TAB2: variants seen among roughly 807,000 people sequenced by gnomAD.
TAB2 encodes TGF-beta activated kinase 1 (MAP3K7) binding protein 2, also known as TGF-beta-activated kinase 1 and MAP3K7-binding protein 2.
Under a neutral mutation model 65.0 loss-of-function variants are expected in TAB2, and 3 were observed. The ratio of observed to expected loss-of-function variants is 0.05; its 90% CI spans 0.02 to 0.12. The LOEUF is 0.12. Among genes scored for constraint, TAB2 ranks in the 10% least tolerant of loss-of-function variants. The pLI is 1.00. For missense variants in TAB2, 623 were observed against 840.3 expected, an observed-to-expected ratio of 0.74 and a Z score of 3.20; for synonymous variants, 298 against 285.1, an observed-to-expected ratio of 1.05 and a Z score of -0.46.
At position 149,378,719 on chromosome 6, in the gene TAB2, C is replaced by T. The variant is rs1303355579; in HGVS notation, c.804C>T (p.Thr268=). 6.2e-7 allele frequency: 1 copy of T among 1,614,066 alleles called. No individual in the cohort carries two copies. The highest frequency in any genetic ancestry group is 8.5e-7 in the Non-Finnish European group (1 of 1,180,012). Residue 268 remains threonine (T), a synonymous_variant, in exon 3 of 7, where the codon ACC becomes ACT. Transcript: ENST00000637181. ...CTGCATCTAATCCTCTGTCACATAC[C>T]TCATCTCAACAGCCAAATCAGCAAG... The part of the protein sequence containing the change: ...TCPASNPLSH[T]SSQQPNQQGH...
intron 1 of TAB2, among the ~76,000 whole-genome samples, chr6:149,369,071 T>C (rs1169282734): frequency 6.6e-6 from 1 of 152,188 alleles, no homozygotes; most frequent in Non-Finnish European, 1.5e-5. Context: ...GATTGTCTTC[T>C]TATGAAATTT....
At chr6:149,305,820 G>A (rs1779057264) in intron 1 of TAB2, among the ~76,000 whole-genome samples, 1 of 152,170 alleles carries the variant, frequency 6.6e-6, no homozygotes, top group Non-Finnish European at 1.5e-5. Flanking sequence ...TCTTCAGAAT[G>A]CATAAGGTTT....
intron 1 of TAB2, among the ~76,000 whole-genome samples, chr6:149,341,926 C>T (rs1368909712): frequency 2.0e-5 from 3 of 151,918 alleles, no homozygotes; most frequent in Admixed American, 2.0e-4. Flanking sequence ...GACATCATTT[C>T]CAGGTTTTAA....
intron 1 of TAB2, among the ~76,000 whole-genome samples, chr6:149,276,250 T>C (rs1778471578): frequency 6.6e-6 from 1 of 152,304 alleles, no homozygotes; most frequent in Admixed American, 6.5e-5. Context: ...GGACTAAAAA[T>C]TGGACAATTT....
chr6:149,362,254 G>A (rs926791908), intron 1 of TAB2, among the ~76,000 whole-genome samples: 13 of 152,244 alleles, frequency 8.5e-5, no homozygotes, highest in Non-Finnish European at 1.6e-4. Context: ...ATGAAAAGAG[G>A]TTTAATCGGC....
chr6:149,355,238 C>A (rs1187080832), intron 1 of TAB2, among the ~76,000 whole-genome samples: 2 of 152,144 alleles, frequency 1.3e-5, no homozygotes, highest in Non-Finnish European at 2.9e-5. Flanking sequence ...ATGACTACTT[C>A]CTTGCATTTT....
Position 149,410,385 on chromosome 6 carries a change from ATTTCT to A in TAB2, c.*673_*677del, listed in dbSNP as rs1782809849. 6.6e-6 allele frequency: 1 copy of A among 152,658 alleles called. No homozygotes were observed. The highest frequency in any genetic ancestry group is 1.5e-5 in the Non-Finnish European group (1 of 68,136). 9.5% of individuals were successfully genotyped at this position (152,658 alleles called of 1,614,324 possible). ...AGATCTCTCGAGTCTGCTTTAAGTG[ATTTCT>A]TTTCTTCTTGATTATTTTCTTATAT... On this transcript the variant is annotated 3_prime_UTR_variant, in exon 7 of 7. Coordinates refer to ENST00000637181, the MANE Select transcript of TAB2 (RefSeq NM_001292034.3).
intron 1 of TAB2, among the ~76,000 whole-genome samples, chr6:149,223,455 GT>G (rs1434541352): frequency 6.6e-6 from 1 of 152,222 alleles, no homozygotes; most frequent in African/African-American, 2.4e-5. Flanking sequence ...ATTATAGCCT[GT>G]GTTCTTGCTG....
chr6:149,329,094 A>G (rs1217629473), intron 1 of TAB2, among the ~76,000 whole-genome samples: 1 of 152,114 alleles, frequency 6.6e-6, no homozygotes, highest in East Asian at 1.9e-4. Flanking sequence ...AAAAAGACAG[A>G]GCATCGAGAT....
At chr6:149,318,734 T>TG (rs1284140971) in intron 1 of TAB2, 1 of 152,354 alleles carries the variant, frequency 6.6e-6, no homozygotes, top group African/African-American at 2.4e-5. Context: ...CTGTTGCTGA[T>TG]GCTGTGAGAT....
chr6:149,378,783 CCTA>C lies in TAB2; in HGVS notation c.874_876del (p.Thr292del). ...TCATGTCTACATGCCAATCAGTTCA[CCTA>C]CTACTTCACAACCACCAACCATTCA... is the stretch of plus-strand genomic sequence containing the variant. On this transcript the variant is annotated inframe_deletion, in exon 3 of 7. Transcript: ENST00000637181. 1.9e-6 allele frequency: 3 copies of C among 1,614,160 alleles called. No homozygotes were observed. Among genetic ancestry groups the C allele is most frequent in the South Asian group, 1.1e-5 (1 of 91,080 alleles).
intron 1 of TAB2, among the ~76,000 whole-genome samples, chr6:149,265,098 G>GAAAA (rs35134622): frequency 3.5e-5 from 5 of 143,434 alleles, no homozygotes; most frequent in African/African-American, 7.6e-5. Context: ...CTATGAAAAT[G>GAAAA]AAAAAAAAAA....
intron 1 of TAB2, among the ~76,000 whole-genome samples, chr6:149,237,869 CA>C (rs747013993): frequency 6.6e-6 from 1 of 152,216 alleles, no homozygotes; most frequent in Non-Finnish European, 1.5e-5. Flanking sequence ...CACTCCAAAT[CA>C]ATTTGTTTGA....
upstream of TAB2, chr6:149,218,608 CTT>C (rs1339890229): frequency 1.8e-5 from 6 of 341,996 alleles, no homozygotes; most frequent in South Asian, 2.3e-5. Context: ...GAAAGACACT[CTT>C]ATATTCTTAC....
At chr6:149,339,163 A>G (rs766566896) in intron 1 of TAB2, among the ~76,000 whole-genome samples, 50 of 152,192 alleles carry the variant, frequency 3.3e-4, no homozygotes, top group Non-Finnish European at 4.1e-4. Flanking sequence ...AAGGAGATCA[A>G]GACCATCCTG....
intron 1 of TAB2, among the ~76,000 whole-genome samples, chr6:149,367,703 G>A (rs1231388555): frequency 6.6e-6 from 1 of 152,098 alleles, no homozygotes; most frequent in East Asian, 1.9e-4. Flanking sequence ...GCTTGGACAA[G>A]AGCAGTAACA....
chr6:149,291,468 T>G (rs1778776222), intron 1 of TAB2: 1 of 152,216 alleles, frequency 6.6e-6, no homozygotes, highest in Non-Finnish European at 1.5e-5. Flanking sequence ...GTGTCTGCAC[T>G]AAGTTTGGCA....
chr6:149,294,850 C>CA (rs1432911852), intron 1 of TAB2, among the ~76,000 whole-genome samples: 3 of 152,148 alleles, frequency 2.0e-5, no homozygotes, highest in Non-Finnish European at 2.9e-5. Context: ...TAGTTTTCCT[C>CA]ACAGAATTGT....
At chr6:149,340,899 AT>A (rs1336658510) in intron 1 of TAB2, among the ~76,000 whole-genome samples, 1 of 152,094 alleles carries the variant, frequency 6.6e-6, no homozygotes, top group Non-Finnish European at 1.5e-5. Context: ...TACTTGCTCT[AT>A]TACTTGGTAA....
Sources: gnomAD v4.1 joint callset for allele counts (sites outside exome capture counted in the v4.1 genomes callset) on GRCh38, gnomAD v4.1.1 for gene constraint, MANE v1.5 for transcripts, NCBI Gene and HGNC (gene_info 2026-07-23, HGNC 2026-07-21) for gene names.